The following FAM135A variants were observed in gnomAD, a reference collection of about 807,000 sequenced individuals.
The protein encoded by FAM135A is protein FAM135A.
FAM135A carries 79 observed loss-of-function variants against 146.8 expected under a neutral mutation model. The ratio of observed to expected loss-of-function variants is 0.54; its 90% CI spans 0.45 to 0.65. FAM135A has a LOEUF of 0.65. Ranked by LOEUF, FAM135A falls within the 30% of genes least tolerant of loss-of-function variation. The pLI, the probability that FAM135A is intolerant of heterozygous loss-of-function variation, is 0.00. For missense variants in FAM135A, 1,623 were observed against 1,758.2 expected, an observed-to-expected ratio of 0.92 and a Z score of 1.38; for synonymous variants, 562 against 603.6, an observed-to-expected ratio of 0.93 and a Z score of 1.01.
intron 11 of FAM135A, among the ~76,000 whole-genome samples, chr6:70,500,963 G>A (rs1788361257): frequency 6.6e-6 from 1 of 152,196 alleles, no homozygotes; most frequent in African/African-American, 2.4e-5. Context: ...CGGGGGTCAG[G>A]GACCCACTTG....
chr6:70,469,192 CTG>C lies in FAM135A; in HGVS notation c.158-6214_158-6213del, dbSNP rs372811726. 5.6e-3 allele frequency among the ~76,000 whole-genome samples: 857 copies of C among 152,298 alleles called. 3 individuals carry two copies. Among genetic ancestry groups the C allele is most frequent in the Non-Finnish European group, 8.2e-3 (558 of 68,026 alleles). ...GGAGATTTTTATCTCTTTCATTTAA[CTG>C]TGTATCCCAAACACCTAGAGAATAC... On this transcript the variant is annotated intron_variant, in intron 5 of 21. Coordinates refer to ENST00000418814, the MANE Select transcript of FAM135A (RefSeq NM_001162529.3).
rs191232494 is a variant in FAM135A, at chr6:70,487,410, A to T, written c.824-3624A>T. 1.8e-3 allele frequency among the ~76,000 whole-genome samples: 270 copies of T among 152,242 alleles called. 2 individuals are homozygous for T. Among genetic ancestry groups the T allele is most frequent in the Admixed American group, 7.3e-3 (111 of 15,272 alleles). ...GTTCAGTAAACCATCACAATTTTTT[A>T]AAAAATTATGAAAAGCTGTAGGAAT... On this transcript the variant is annotated intron_variant, in intron 10 of 21. Coordinates refer to ENST00000418814, the MANE Select transcript of FAM135A (RefSeq NM_001162529.3).
chr6:70,447,474 G>A (rs891106442), intron 4 of FAM135A, among the ~76,000 whole-genome samples: 10 of 152,180 alleles, frequency 6.6e-5, no homozygotes, highest in Non-Finnish European at 8.8e-5. Flanking sequence ...TGTCGTCCCC[G>A]CTGGCAAGGG....
At chr6:70,505,859 A>G (rs1789652685) in intron 12 of FAM135A, among the ~76,000 whole-genome samples, 1 of 152,092 alleles carries the variant, frequency 6.6e-6, no homozygotes. Flanking sequence ...AACAGGATCC[A>G]TGTATCAAAT....
chr6:70,417,947 G>A (rs1041456731), intron 2 of FAM135A, among the ~76,000 whole-genome samples: 1 of 152,152 alleles, frequency 6.6e-6, no homozygotes, highest in Admixed American at 6.5e-5. Flanking sequence ...ATTCTAAAAA[G>A]CGATTCTCAT....
At chr6:70,476,669 A>G (rs1158347454) in intron 7 of FAM135A, among the ~76,000 whole-genome samples, 2 of 152,152 alleles carry the variant, frequency 1.3e-5, no homozygotes, top group Admixed American at 6.5e-5. Context: ...AAATCTAATG[A>G]TATACTAAAT....
intron 4 of FAM135A, among the ~76,000 whole-genome samples, chr6:70,441,113 G>T (rs59268472): frequency 0.043 from 6,510 of 152,162 alleles, 299 homozygotes; most frequent in African/African-American, 0.1. Flanking sequence ...GTCACTATCA[G>T]CTGGGTGCTG....
chr6:70,414,023 T>G (rs2127648470), intron 1 of FAM135A: 1 of 985,626 alleles, frequency 1.0e-6, no homozygotes. Context: ...TGTTTGCCCT[T>G]CACCCCTGCT....
chr6:70,428,573 A>T (rs1770745242), intron 4 of FAM135A, among the ~76,000 whole-genome samples, 154 bp downstream of exon 4: 1 of 152,148 alleles, frequency 6.6e-6, no homozygotes, highest in Non-Finnish European at 1.5e-5. Flanking sequence ...TATTAAATAG[A>T]TATTTTGGGA....
intron 2 of FAM135A, among the ~76,000 whole-genome samples, chr6:70,423,783 G>A (rs1769391215): frequency 1.3e-5 from 2 of 152,164 alleles, no homozygotes; most frequent in Admixed American, 6.5e-5. Context: ...CCTACCTGTT[G>A]ATAATATTCC....
At chr6:70,473,749 GTTCCTT>G (rs765806182) in intron 5 of FAM135A, among the ~76,000 whole-genome samples, 1 of 152,136 alleles carries the variant, frequency 6.6e-6, no homozygotes, top group Non-Finnish European at 1.5e-5. Flanking sequence ...TGTGCCAGGA[GTTCCTT>G]TTCCTCACTT....
intron 12 of FAM135A, among the ~76,000 whole-genome samples, chr6:70,512,859 T>G (rs1016572336): frequency 6.6e-6 from 1 of 151,850 alleles, no homozygotes; most frequent in African/African-American, 2.4e-5. Context: ...TTTGCCCAAG[T>G]CATGAAAAAT....
At chr6:70,491,659 TTGAA>T (rs1485139622) in intron 11 of FAM135A, among the ~76,000 whole-genome samples, 8 of 151,886 alleles carry the variant, frequency 5.3e-5, no homozygotes, top group African/African-American at 1.9e-4. Context: ...GGATATAAAT[TTGAA>T]TGAAGACTAG....
At chr6:70,483,494 C>T (rs1784102057) in intron 10 of FAM135A, among the ~76,000 whole-genome samples, 1 of 152,080 alleles carries the variant, frequency 6.6e-6, no homozygotes, top group African/African-American at 2.4e-5. Flanking sequence ...ATTCCTGTTT[C>T]CCTTAGGAAA....
At chr6:70,413,886 G>GGGACGGCGGTGC in intron 1 of FAM135A, 184 bp downstream of exon 1, 1 of 985,410 alleles carries the variant, frequency 1.0e-6, no homozygotes, top group Non-Finnish European at 1.2e-6. Context: ...AAGGTCGGTG[G>GGGACGGCGGTGC]GGACGGCGGT....
chr6:70,552,095 T>C (rs1799923855), intron 20 of FAM135A, among the ~76,000 whole-genome samples: 1 of 152,206 alleles, frequency 6.6e-6, no homozygotes. Context: ...TAAAACTGAT[T>C]GCTTTAAAAA....
At chr6:70,428,765 T>C (rs913708263) in intron 4 of FAM135A, among the ~76,000 whole-genome samples, 2 of 152,164 alleles carry the variant, frequency 1.3e-5, no homozygotes, top group Non-Finnish European at 2.9e-5. Context: ...AATACAAACA[T>C]ACATGATGAA....
In FAM135A at chr6:70,526,534, T is replaced by C. The variant is rs1794723590; in HGVS notation, c.3450T>C (p.Ser1150=). The change falls in exon 15 of 22, where the codon TCT becomes TCC. Residue 1150 remains serine (S), a synonymous_variant. Transcript: ENST00000418814. The stretch of plus-strand genomic sequence containing the variant: ...TAAACATGCCTACTGTCTGTACTTC[T>C]GGTTGTTTGTCCTTCCCGTCTGCAC... ...DGINMPTVCT[S]GCLSFPSAPR... 1.2e-6 allele frequency: 2 copies of C among 1,613,520 alleles called. No individual in the cohort carries two copies. The highest frequency in any genetic ancestry group is 1.1e-5 in the South Asian group (1 of 91,056).
chr6:70,542,600 CAT>C (rs1798143831), intron 20 of FAM135A, among the ~76,000 whole-genome samples: 1 of 152,210 alleles, frequency 6.6e-6, no homozygotes, highest in Admixed American at 6.5e-5. Context: ...ATGGCACAAT[CAT>C]AGCTCACTGC....
Sources: gnomAD v4.1 joint callset for allele counts (sites outside exome capture counted in the v4.1 genomes callset) on GRCh38, gnomAD v4.1.1 for gene constraint, MANE v1.5 for transcripts, NCBI Gene and HGNC (gene_info 2026-07-23, HGNC 2026-07-21) for gene names.